Variants in ENAH observed in about 807,000 individuals in gnomAD.
The protein encoded by ENAH is protein enabled homolog.
A neutral mutation model predicts 78.7 loss-of-function variants in ENAH; 23 were observed. That is an observed-to-expected ratio of 0.29 (90% CI 0.21 to 0.41). The LOEUF (loss-of-function observed/expected upper bound fraction) is 0.41, where lower values mean the gene tolerates loss of function less well. Ranked by LOEUF, ENAH falls within the 10% of genes least tolerant of loss-of-function variation. The pLI, the probability that ENAH is intolerant of heterozygous loss-of-function variation, is 1.00. For missense variants in ENAH, 544 were observed against 691.0 expected (o/e 0.79, Z 2.39); for synonymous variants, 226 against 241.0 (o/e 0.94, Z 0.58).
chr1:225,594,182 A>C (rs1194881333), intron 1 of ENAH, among the ~76,000 whole-genome samples: 1 of 152,212 alleles, frequency 6.6e-6, no homozygotes, highest in East Asian at 1.9e-4. Context: ...ACTGTTCTTA[A>C]ATGGATGTGA....
At chr1:225,568,202 T>C (rs992343395) in intron 1 of ENAH, among the ~76,000 whole-genome samples, 1 of 152,168 alleles carries the variant, frequency 6.6e-6, no homozygotes, top group Non-Finnish European at 1.5e-5. Context: ...AACTCAATTA[T>C]TTGTTACCAA....
chr1:225,640,756 C>T (rs181664651), intron 1 of ENAH, among the ~76,000 whole-genome samples: 1 of 152,174 alleles, frequency 6.6e-6, no homozygotes. Context: ...ACAGTAAGTA[C>T]TCAATAACAG....
At chr1:225,498,243 T>C in intron 13 of ENAH, 104 bp downstream of exon 13, 1 of 883,008 alleles carries the variant, frequency 1.1e-6, no homozygotes, top group Admixed American at 2.6e-5. Flanking sequence ...TGGAAGTCAT[T>C]GCCCTCAACT....
Position 225,601,166 on chromosome 1 carries a change from G to A in ENAH, c.6-33752C>T, listed in dbSNP as rs767168756. On this transcript the variant is annotated intron_variant, in intron 1 of 13. Coordinates refer to ENST00000366843, the MANE Select transcript of ENAH (RefSeq NM_018212.6). The stretch of plus-strand genomic sequence containing the variant: ...CTTAATCAACTCTGTTCAGACTACT[G>A]ATAGATCAAGCAGACAAAATATAAG... 1.1e-4 allele frequency among the ~76,000 whole-genome samples: 17 copies of A among 152,068 alleles called. 1 individual carries two copies. The highest frequency in any genetic ancestry group is 1.3e-4 in the Non-Finnish European group (9 of 68,022).
At chr1:225,535,653 T>G (rs767929352) in intron 3 of ENAH, 19 of 622,614 alleles carry the variant, frequency 3.1e-5, no homozygotes, top group Non-Finnish European at 5.0e-5. Context: ...TTTGAAATGT[T>G]CAAAATGTAT....
intron 1 of ENAH, among the ~76,000 whole-genome samples, chr1:225,607,170 C>A (rs1360872137): frequency 2.6e-5 from 4 of 152,162 alleles, no homozygotes; most frequent in African/African-American, 9.7e-5. Flanking sequence ...CTGGGCCACA[C>A]TGGAAGAAGT....
chr1:225,497,924 A>T (rs74228689), intron 13 of ENAH, 112 bp from the exon 14 acceptor site: 2 of 503,630 alleles, frequency 4.0e-6, no homozygotes, highest in Non-Finnish European at 6.7e-6. Context: ...AGTAATAAGA[A>T]GATTAACTTT....
At chr1:225,518,524 TAAAC>T (rs1026683898) in intron 5 of ENAH, among the ~76,000 whole-genome samples, 15 of 151,672 alleles carry the variant, frequency 9.9e-5, no homozygotes, top group African/African-American at 1.2e-4. Flanking sequence ...ATTAACTTAA[TAAAC>T]CAACCAACCA....
chr1:225,519,166 C>T (rs2096445630), intron 5 of ENAH, 32 bp downstream of exon 5: 2 of 1,603,268 alleles, frequency 1.2e-6, no homozygotes, highest in Non-Finnish European at 1.7e-6. Flanking sequence ...AGCTCAGATA[C>T]AAGAACACAG....
intron 1 of ENAH, among the ~76,000 whole-genome samples, chr1:225,588,116 T>C (rs1357916235): frequency 2.0e-5 from 3 of 152,078 alleles, no homozygotes; most frequent in African/African-American, 7.2e-5. Context: ...TTTTCTCCCA[T>C]AAAAAGACAC....
intron 1 of ENAH, among the ~76,000 whole-genome samples, chr1:225,612,324 A>C (rs931906256): frequency 6.6e-6 from 1 of 152,262 alleles, no homozygotes; most frequent in South Asian, 2.1e-4. Context: ...GAAGCCAGAC[A>C]CAAAAAGCCA....
intron 1 of ENAH, among the ~76,000 whole-genome samples, chr1:225,646,088 T>G (rs927931555): frequency 6.6e-6 from 1 of 152,138 alleles, no homozygotes; most frequent in Non-Finnish European, 1.5e-5. Flanking sequence ...AAACAACTTC[T>G]GGTTACTTAA....
intron 1 of ENAH, among the ~76,000 whole-genome samples, chr1:225,577,937 T>C (rs2096796166): frequency 6.6e-6 from 1 of 152,198 alleles, no homozygotes; most frequent in African/African-American, 2.4e-5. Flanking sequence ...TCAATAATTC[T>C]TATGGTACTA....
intron 3 of ENAH, among the ~76,000 whole-genome samples, chr1:225,550,947 A>AAC (rs141439970): frequency 0.044 from 6,648 of 152,272 alleles, 226 homozygotes; most frequent in South Asian, 0.11. Flanking sequence ...AAGAAAATAA[A>AAC]AGTTGGGCAA....
At chr1:225,517,750 G>C (rs2096433234) in intron 5 of ENAH, 1 of 1,551,318 alleles carries the variant, frequency 6.4e-7, no homozygotes. Context: ...AGCGTAATGG[G>C]GAAGAACAGG....
At chr1:225,600,499 G>A (rs745459973) in intron 1 of ENAH, among the ~76,000 whole-genome samples, 2 of 151,862 alleles carry the variant, frequency 1.3e-5, no homozygotes, top group Admixed American at 6.5e-5. Flanking sequence ...GGCAAAAAAC[G>A]CAATTACTTT....
chr1:225,623,841 G>T lies in ENAH; in HGVS notation c.5+28845C>A, dbSNP rs533178487. ...CCTGACCTTGTGATCCACCTACATCGGCCTCCCAAAGTGCTGGGATTACAG... is the reference window on the plus strand; with the variant it reads ...CCTGACCTTGTGATCCACCTACATCTGCCTCCCAAAGTGCTGGGATTACAG... On this transcript the variant is annotated intron_variant, in intron 1 of 13. Coordinates refer to ENST00000366843, the MANE Select transcript of ENAH (RefSeq NM_018212.6). 9.3e-4 allele frequency among the ~76,000 whole-genome samples: 142 copies of T among 152,114 alleles called. 1 individual carries two copies. Among genetic ancestry groups the T allele is most frequent in the African/African-American group, 3.3e-3 (137 of 41,500 alleles).
rs949272439 is a variant in ENAH at position 225,492,566 on chromosome 1, C to T, written c.*5209G>A. ...TGAGTATTTAACATGCTTCACAGAACGGGGGTGCAGCTCAGTGACTGTGAT... is the reference window on the plus strand; with the variant it reads ...TGAGTATTTAACATGCTTCACAGAATGGGGGTGCAGCTCAGTGACTGTGAT... On this transcript the variant is annotated 3_prime_UTR_variant, in exon 14 of 14. Transcript: ENST00000366843. 6.6e-5 allele frequency: 10 copies of T among 152,104 alleles called. No homozygotes were observed. Among genetic ancestry groups the T allele is most frequent in the African/African-American group, 1.4e-4 (6 of 41,408 alleles). The allele number at this position is 152,104 out of a possible 1,614,324, so 9.4% of individuals were successfully genotyped here.
In ENAH at chr1:225,495,124, T is replaced by C. The variant is rs767676443; in HGVS notation, c.*2651A>G. 1 of 152,606 alleles carries C rather than the reference T, an allele frequency of 6.6e-6. No homozygotes were observed. The highest frequency in any genetic ancestry group is 2.4e-5 in the African/African-American group (1 of 41,454). The allele number at this position is 152,606 out of a possible 1,614,324, so 9.5% of individuals were successfully genotyped here. On this transcript the variant is annotated 3_prime_UTR_variant, in exon 14 of 14. Transcript: ENST00000366843. Reference sequence around the variant, plus strand: ...GCAATTGACTTGTGAGCCATTTACATAGTGGATAGTACAGACTTGTCACAG... The same window carrying C: ...GCAATTGACTTGTGAGCCATTTACACAGTGGATAGTACAGACTTGTCACAG...
Sources: allele counts gnomAD v4.1 joint callset (sites outside exome capture counted in the v4.1 genomes callset), GRCh38; gene constraint gnomAD v4.1.1; transcripts MANE v1.5; gene names NCBI Gene and HGNC (gene_info 2026-07-23, HGNC 2026-07-21).